Variants in MEIS1 observed in about 807,000 individuals in gnomAD.
MEIS1 encodes Meis homeobox 1.
A neutral mutation model predicts 50.8 loss-of-function variants in MEIS1; 5 were observed. The ratio of observed to expected loss-of-function variants is 0.10; its 90% CI spans 0.05 to 0.21. MEIS1 has a LOEUF of 0.21. Ranked by LOEUF, MEIS1 falls within the 10% of genes least tolerant of loss-of-function variation. The probability of loss-of-function intolerance (pLI) is 1.00; values close to 1 mark genes in which losing one functional copy is unlikely to be tolerated. For missense variants in MEIS1, 318 were observed against 517.3 expected (o/e 0.61, Z 3.74); for synonymous variants, 176 against 179.3 (o/e 0.98, Z 0.15).
Position 66,437,660 on chromosome 2 carries a change from T to G in MEIS1, c.13-77T>G, listed in dbSNP as rs1671833490. ...AGGACCCAGCTGTATTGACCTTATA[T>G]AAGCTCGGTGCCTTGCCGTTCTCCC... On this transcript the variant is annotated intron_variant, in intron 1 of 12. Transcript: ENST00000272369. The G allele has an allele frequency of 3.0e-6, 4 of 1,337,364 alleles. No homozygotes were observed. The South Asian group carries it at 3.7e-5, about 12-fold the overall frequency. 82.8% of individuals were successfully genotyped at this position (1,337,364 alleles called of 1,614,324 possible).
At chr2:66,459,167 T>G (rs1275685088) in intron 6 of MEIS1, among the ~76,000 whole-genome samples, 1 of 152,140 alleles carries the variant, frequency 6.6e-6, no homozygotes. Context: ...GTATCTGGGC[T>G]GTGCCTTAAA....
At position 66,435,888 on chromosome 2, in the gene MEIS1, T is replaced by C. The variant is rs747033691; in HGVS notation, c.12+20T>C. On this transcript the variant is annotated intron_variant, in intron 1 of 12. Transcript: ENST00000272369. ...CAAAGGGTACGTATTAAAAAACAATTGTGGAACTCAAATGTGAGATTAAAT... is the reference window on the plus strand; with the variant it reads ...CAAAGGGTACGTATTAAAAAACAATCGTGGAACTCAAATGTGAGATTAAAT... The C allele has an allele frequency of 2.0e-5, 31 of 1,553,668 alleles. No individual in the cohort carries two copies. The highest frequency in any genetic ancestry group is 3.4e-4 in the Middle Eastern group (2 of 5,842).
At position 66,571,691 on chromosome 2, in the gene MEIS1, T is replaced by G. The variant is rs111248476; in HGVS notation, c.*483T>G. On this transcript the variant is annotated 3_prime_UTR_variant, in exon 13 of 13. Transcript: ENST00000272369. ...GCAGGAAATACCAACTGAAGTCAAT[T>G]TGGGGGACATGCTAAATAACTATAT... 1 of 717,004 alleles carries G rather than the reference T, an allele frequency of 1.4e-6. No individual in the cohort carries two copies. 44.4% of individuals were successfully genotyped at this position (717,004 alleles called of 1,614,324 possible). A position where few individuals can be genotyped will look rare whatever the true frequency, so the allele number is the denominator to read the frequency against.
At chr2:66,563,543 T>G (rs1675269381) in intron 9 of MEIS1, among the ~76,000 whole-genome samples, 1 of 152,158 alleles carries the variant, frequency 6.6e-6, no homozygotes, top group Non-Finnish European at 1.5e-5. Flanking sequence ...GTACAGTTCT[T>G]TTTTTGGTTC....
chr2:66,494,779 C>T (rs1235821729), intron 7 of MEIS1, among the ~76,000 whole-genome samples: 3 of 152,164 alleles, frequency 2.0e-5, no homozygotes, highest in Non-Finnish European at 4.4e-5. Flanking sequence ...ATCACCATCA[C>T]GTCTTTGTGG....
At chr2:66,485,579 T>C (rs1194102314) in intron 7 of MEIS1, among the ~76,000 whole-genome samples, 1 of 152,252 alleles carries the variant, frequency 6.6e-6, no homozygotes. Context: ...TGTGTCTTTA[T>C]AGTAGAATGA....
chr2:66,537,448 TA>T (rs1674548646), intron 8 of MEIS1, among the ~76,000 whole-genome samples: 1 of 152,188 alleles, frequency 6.6e-6, no homozygotes, highest in South Asian at 2.1e-4. Context: ...ATCATCACTG[TA>T]ATTTAAGTGG....
chr2:66,478,268 C>T (rs1025938372), intron 7 of MEIS1, among the ~76,000 whole-genome samples: 5 of 151,936 alleles, frequency 3.3e-5, no homozygotes, highest in African/African-American at 9.7e-5. Context: ...AGTTACATAG[C>T]GAGAAGTGGA....
At chr2:66,563,732 G>A (rs916217793) in intron 9 of MEIS1, among the ~76,000 whole-genome samples, 3 of 152,158 alleles carry the variant, frequency 2.0e-5, no homozygotes, top group African/African-American at 4.8e-5. Context: ...CTTATAGTGG[G>A]AGGAGCAAGA....
At chr2:66,538,759 C>T (rs1009546935) in intron 8 of MEIS1, among the ~76,000 whole-genome samples, 3 of 152,056 alleles carry the variant, frequency 2.0e-5, no homozygotes, top group Non-Finnish European at 2.9e-5. Context: ...AAGTAATTGG[C>T]GAAACACACA....
intron 8 of MEIS1, among the ~76,000 whole-genome samples, chr2:66,531,009 G>A (rs997849526): frequency 5.3e-5 from 8 of 152,174 alleles, no homozygotes; most frequent in Non-Finnish European, 4.4e-5. Flanking sequence ...GAGAAAAGGG[G>A]AGTTTTAAAT....
chr2:66,535,802 G>C (rs1338971169), intron 8 of MEIS1, among the ~76,000 whole-genome samples: 1 of 152,094 alleles, frequency 6.6e-6, no homozygotes, highest in Non-Finnish European at 1.5e-5. Flanking sequence ...TTCTTCTTAA[G>C]GGGGAATTCC....
At chr2:66,522,730 C>A (rs976926103) in intron 8 of MEIS1, among the ~76,000 whole-genome samples, 2 of 151,912 alleles carry the variant, frequency 1.3e-5, no homozygotes, top group African/African-American at 4.8e-5. Flanking sequence ...GCATATGTGG[C>A]GAGGGTTTGT....
chr2:66,471,744 A>G (rs967738755), intron 7 of MEIS1, among the ~76,000 whole-genome samples: 2 of 152,244 alleles, frequency 1.3e-5, no homozygotes, highest in African/African-American at 2.4e-5. Context: ...AGTTGGCTGT[A>G]AATTAGAGAA....
chr2:66,542,078 A>T (rs1674666888), intron 8 of MEIS1, among the ~76,000 whole-genome samples: 1 of 152,198 alleles, frequency 6.6e-6, no homozygotes, highest in African/African-American at 2.4e-5. Flanking sequence ...AGTTTATTTA[A>T]AGTGGGAGAA....
At chr2:66,569,530 G>A (rs1675433093) in intron 12 of MEIS1, 1 of 154,998 alleles carries the variant, frequency 6.5e-6, no homozygotes, top group African/African-American at 2.4e-5. Flanking sequence ...TGATGCATGA[G>A]TTACATTTCT....
intron 2 of MEIS1, 38 bp downstream of exon 2, chr2:66,438,001 C>A: frequency 1.3e-6 from 2 of 1,498,336 alleles, no homozygotes; most frequent in South Asian, 2.5e-5. Flanking sequence ...AGTTGAGACT[C>A]AACGCTTCCC....
chr2:66,504,113 G>A (rs896302363), intron 7 of MEIS1, among the ~76,000 whole-genome samples: 2 of 152,018 alleles, frequency 1.3e-5, no homozygotes, highest in Admixed American at 6.6e-5. Context: ...AAATTCATAG[G>A]AAGAAGTATT....
rs1452533601 is a variant in MEIS1, at chr2:66,525,480, T to C, written c.888+13186T>C. ...TGATTGTTTTTCTCTTTGATTTTTATACTTTGATTTTGCCCCCCTGATTTT... is the reference window on the plus strand; with the variant it reads ...TGATTGTTTTTCTCTTTGATTTTTACACTTTGATTTTGCCCCCCTGATTTT... On this transcript the variant is annotated intron_variant, in intron 8 of 12. Transcript: ENST00000272369. Among the ~76,000 whole-genome samples the C allele has an allele frequency of 2.0e-5, 3 of 152,240 alleles. No individual in the cohort carries two copies. In the South Asian group the frequency reaches 6.2e-4, roughly 31 times the overall value.
Sources: allele counts gnomAD v4.1 joint callset (sites outside exome capture counted in the v4.1 genomes callset), GRCh38; gene constraint gnomAD v4.1.1; transcripts MANE v1.5; gene names NCBI Gene and HGNC (gene_info 2026-07-23, HGNC 2026-07-21).